Variants in CLNK observed in about 807,000 individuals in gnomAD.
CLNK encodes the protein cytokine dependent hematopoietic cell linker, also known as cytokine-dependent hematopoietic cell linker.
Under a neutral mutation model 68.6 loss-of-function variants are expected in CLNK, and 74 were observed. The ratio of observed to expected loss-of-function variants is 1.08; its 90% confidence interval spans 0.89 to 1.31. The LOEUF (loss-of-function observed/expected upper bound fraction) is 1.31, where lower values mean the gene tolerates loss of function less well. Ranked by LOEUF, CLNK falls within the 50% of genes most tolerant of loss-of-function variation. The pLI, the probability that CLNK is intolerant of heterozygous loss-of-function variation, is 0.00. For missense variants in CLNK, 553 were observed against 515.3 expected (o/e 1.07, Z -0.71); for synonymous variants, 198 against 172.2 (o/e 1.15, Z -1.17).
intron 2 of CLNK, among the ~76,000 whole-genome samples, chr4:10,602,809 A>C (rs1334152739): frequency 6.6e-6 from 1 of 152,250 alleles, no homozygotes; most frequent in Non-Finnish European, 1.5e-5. Context: ...AAAAATGTAC[A>C]CATGGTCTAG....
intron 3 of CLNK, among the ~76,000 whole-genome samples, chr4:10,592,433 C>T (rs1721214084): frequency 1.3e-5 from 2 of 152,254 alleles, no homozygotes; most frequent in East Asian, 3.9e-4. Flanking sequence ...GAAATCCCTT[C>T]ATCCACTCTC....
intron 7 of CLNK, 32 bp downstream of exon 7, chr4:10,564,639 T>C (rs765415138): frequency 7.0e-7 from 1 of 1,435,482 alleles, no homozygotes; most frequent in Non-Finnish European, 9.8e-7. Flanking sequence ...GCCCTACACA[T>C]GTTTGTGTCA....
At chr4:10,722,446 T>G in the CLNK span, among the ~76,000 whole-genome samples, 1 of 152,204 alleles carries the variant, frequency 6.6e-6, no homozygotes, top group East Asian at 1.9e-4. Flanking sequence ...TGCTGTTTCC[T>G]CCACAAGAAT....
intron 4 of CLNK, among the ~76,000 whole-genome samples, chr4:10,574,762 C>T (rs1292091706): frequency 6.6e-6 from 1 of 152,214 alleles, no homozygotes; most frequent in Non-Finnish European, 1.5e-5. Context: ...TAAAGATTGA[C>T]CCCTGACCTA....
the CLNK span, among the ~76,000 whole-genome samples, chr4:10,715,300 T>C: frequency 2.0e-5 from 3 of 152,268 alleles, no homozygotes; most frequent in Non-Finnish European, 4.4e-5. Context: ...ACATTTACCA[T>C]GGGGTTTATT....
chr4:10,498,597 G>A (rs1716909238), intron 18 of CLNK, among the ~76,000 whole-genome samples: 1 of 152,146 alleles, frequency 6.6e-6, no homozygotes, highest in South Asian at 2.1e-4. Context: ...CACTGAACTG[G>A]AAAGTCCATT....
the CLNK span, among the ~76,000 whole-genome samples, chr4:10,690,175 A>T: frequency 6.6e-6 from 1 of 152,158 alleles, no homozygotes; most frequent in Non-Finnish European, 1.5e-5. Context: ...CATCTGGTCA[A>T]GTCCGGGAAC....
At chr4:10,686,144 C>T (rs547632405), upstream of CLNK, among the ~76,000 whole-genome samples, 32 of 152,246 alleles carry the variant, frequency 2.1e-4, no homozygotes, top group African/African-American at 6.7e-4. Flanking sequence ...GCCTTTATCC[C>T]CGGCTTGTGG....
chr4:10,636,311 G>A (rs1184104975), intron 2 of CLNK, among the ~76,000 whole-genome samples: 2 of 152,176 alleles, frequency 1.3e-5, no homozygotes, highest in African/African-American at 2.4e-5. Context: ...CACACACAGA[G>A]CAGGGAACAC....
chr4:10,700,004 A>ATGTGTGTGTGTGTGTG, the CLNK span, among the ~76,000 whole-genome samples: 545 of 145,170 alleles, frequency 3.8e-3, 2 homozygotes, highest in African/African-American at 0.01. Context: ...GTGTGTGCAT[A>ATGTGTGTGTGTGTGTG]TGTGTGTGTG....
intron 2 of CLNK, among the ~76,000 whole-genome samples, chr4:10,635,326 G>A (rs1410510250): frequency 6.6e-6 from 1 of 152,154 alleles, no homozygotes; most frequent in Non-Finnish European, 1.5e-5. Flanking sequence ...TGAAGTGTCA[G>A]GAGATCCTGC....
At chr4:10,708,270 A>G in the CLNK span, among the ~76,000 whole-genome samples, 2 of 152,180 alleles carry the variant, frequency 1.3e-5, no homozygotes, top group Non-Finnish European at 2.9e-5. Context: ...TTTCATGATT[A>G]TTGTTTTGGA....
At chr4:10,563,819 A>C (rs1405448904) in intron 7 of CLNK, among the ~76,000 whole-genome samples, 1 of 152,158 alleles carries the variant, frequency 6.6e-6, no homozygotes, top group Non-Finnish European at 1.5e-5. Context: ...AAGCAGGAGA[A>C]CCACTTGAAC....
chr4:10,717,377 C>T, the CLNK span, among the ~76,000 whole-genome samples: 8 of 152,204 alleles, frequency 5.3e-5, no homozygotes, highest in East Asian at 1.2e-3. Flanking sequence ...GGACAGATCA[C>T]TTGAGGCCAA....
At chr4:10,560,083 T>C (rs1389024401) in intron 7 of CLNK, among the ~76,000 whole-genome samples, 1 of 152,214 alleles carries the variant, frequency 6.6e-6, no homozygotes, top group Admixed American at 6.5e-5. Flanking sequence ...TGTGGAAGAC[T>C]GCATCATATG....
intron 2 of CLNK, among the ~76,000 whole-genome samples, chr4:10,600,951 T>C (rs1721569824): frequency 6.6e-6 from 1 of 152,214 alleles, no homozygotes; most frequent in Non-Finnish European, 1.5e-5. Flanking sequence ...TCTTCCTGGG[T>C]GCCTCGAGAA....
chr4:10,508,355 C>T (rs1199951267), intron 16 of CLNK, among the ~76,000 whole-genome samples: 2 of 152,108 alleles, frequency 1.3e-5, no homozygotes, highest in Non-Finnish European at 1.5e-5. Context: ...GCTGCTGAGG[C>T]TTGTTGAGGT....
chr4:10,642,396 T>C (rs1320222226), intron 2 of CLNK, among the ~76,000 whole-genome samples: 1 of 152,188 alleles, frequency 6.6e-6, no homozygotes, highest in Non-Finnish European at 1.5e-5. Context: ...AGGATGTTCC[T>C]TGAGGTTCAG....
intron 1 of CLNK, among the ~76,000 whole-genome samples, chr4:10,677,557 A>G (rs934690187): frequency 1.3e-5 from 2 of 152,032 alleles, no homozygotes; most frequent in Non-Finnish European, 2.9e-5. Flanking sequence ...AGGTGATTGG[A>G]TCATGGGGGT....
Sources: allele counts gnomAD v4.1 joint callset (sites outside exome capture counted in the v4.1 genomes callset), GRCh38; gene constraint gnomAD v4.1.1; transcripts MANE v1.5; gene names NCBI Gene and HGNC (gene_info 2026-07-23, HGNC 2026-07-21).